Variants in PUS7 observed in about 807,000 individuals in gnomAD.
The protein encoded by PUS7 is pseudouridine synthase 7.
In PUS7, 48 loss-of-function variants were observed where a neutral mutation model predicts 79.8. The ratio of observed to expected loss-of-function variants is 0.60; its 90% confidence interval spans 0.48 to 0.76. The LOEUF (loss-of-function observed/expected upper bound fraction) is 0.76. Among genes scored for constraint, PUS7 ranks in the 30% least tolerant of loss-of-function variants. The pLI, the probability that PUS7 is intolerant of heterozygous loss-of-function variation, is 0.00. For missense variants in PUS7, 729 were observed against 797.6 expected (o/e 0.91, Z 1.04); for synonymous variants, 286 against 272.2 (o/e 1.05, Z -0.50).
Position 105,462,109 on chromosome 7 carries a change from GAAAAGAAGAT to G in PUS7, c.1757+502_1757+511del, listed in dbSNP as rs1470415050. The G allele has an allele frequency of 4.2e-4, 3 of 7,198 alleles. No individual in the cohort carries two copies. In the Admixed American group the frequency reaches 0.011, roughly 27 times the overall value. The allele number at this position is 7,198 out of a possible 1,614,324, so 0.4% of individuals were successfully genotyped here. ...AAGGAAAAGAAAAAGAAAAGGAAAA[GAAAAGAAGAT>G]AAAAGAGAAAAAAGAAAAGAAAAAA... On this transcript the variant is annotated intron_variant, in intron 14 of 15. Transcript: ENST00000469408.
intron 4 of PUS7, 71 bp from the exon 5 acceptor site, chr7:105,502,635 A>G (rs1001235670): frequency 1.7e-5 from 25 of 1,494,056 alleles, no homozygotes; most frequent in Non-Finnish European, 2.1e-5. Context: ...ACAGTGAATT[A>G]GTAAAAACAC....
chr7:105,462,899 G>T, intron 13 of PUS7, 149 bp from the exon 14 acceptor site: 1 of 787,496 alleles, frequency 1.3e-6, no homozygotes, highest in Non-Finnish European at 2.0e-6. Context: ...TCTGTTCCCT[G>T]GAATCAAAAT....
Position 105,465,374 on chromosome 7 carries a change from GTAAT to G in PUS7, c.1562_1565del (p.Asn521ThrfsTer7). ...AGGGCATTACCACATCATGGATAGA[GTAAT>G]TATTAACATCATCTTCCTCAATATA... On this transcript the variant is annotated frameshift_variant, in exon 13 of 16. Coordinates refer to ENST00000469408, the MANE Select transcript of PUS7 (RefSeq NM_019042.5). LOFTEE classifies it high-confidence loss of function. 2 of 1,613,608 alleles carry G rather than the reference GTAAT, an allele frequency of 1.2e-6. No individual in the cohort carries two copies. Among genetic ancestry groups the G allele is most frequent in the East Asian group, 2.2e-5 (1 of 44,852 alleles).
chr7:105,489,181 A>C (rs963120993), intron 7 of PUS7, among the ~76,000 whole-genome samples: 8 of 151,148 alleles, frequency 5.3e-5, no homozygotes, highest in African/African-American at 1.9e-4. Flanking sequence ...AAGAAAGAAA[A>C]GAAAAAGAAA....
chr7:105,513,709 G>A (rs1428624855), intron 1 of PUS7, among the ~76,000 whole-genome samples: 1 of 147,236 alleles, frequency 6.8e-6, no homozygotes, highest in African/African-American at 2.5e-5. Flanking sequence ...GTGGTGGCAG[G>A]TGCCTGTAGT....
In PUS7 at chr7:105,481,064, T is replaced by TCC. The variant is rs774848874; in HGVS notation, c.1162_1163insGG (p.Tyr388TrpfsTer19). On this transcript the variant is annotated frameshift_variant, in exon 9 of 16. Coordinates refer to ENST00000469408, the MANE Select transcript of PUS7 (RefSeq NM_019042.5). LOFTEE classifies it high-confidence loss of function. Reference sequence around the variant, plus strand: ...ATTAAATACCAACCTTCCAACCTGATACGTAGGGACAGCTGTGGTTCCAAA... The same window carrying TCC: ...ATTAAATACCAACCTTCCAACCTGATCCACGTAGGGACAGCTGTGGTTCCAAA... 1.2e-6 allele frequency: 2 copies of TCC among 1,610,306 alleles called. No homozygotes were observed. Among genetic ancestry groups the TCC allele is most frequent in the South Asian group, 2.2e-5 (2 of 90,130 alleles).
rs818471 is a variant in PUS7, at chr7:105,505,912, C to G, written c.585+43G>C. 0.18 allele frequency: 272,078 copies of G among 1,503,352 alleles called. 27,318 individuals are homozygous for G. Among genetic ancestry groups the G allele is most frequent in the African/African-American group, 0.4 (28,545 of 71,740 alleles). The allele number at this position is 1,503,352 out of a possible 1,614,324, so 93.1% of individuals were successfully genotyped here. ...CACTTAACATCCACCCAAAAAGCAA[C>G]TAAAACCCTAAATAATTTTTCATAT... is the stretch of plus-strand genomic sequence containing the variant. On this transcript the variant is annotated intron_variant, in intron 4 of 15. Transcript: ENST00000469408.
At chr7:105,481,392 C>T (rs531919074) in intron 8 of PUS7, among the ~76,000 whole-genome samples, 4 of 152,220 alleles carry the variant, frequency 2.6e-5, no homozygotes, top group African/African-American at 9.6e-5. Flanking sequence ...TGCAATTTGG[C>T]GGTATTAACC....
intron 9 of PUS7, among the ~76,000 whole-genome samples, chr7:105,474,521 CA>C (rs1280797264): frequency 6.6e-6 from 1 of 151,592 alleles, no homozygotes; most frequent in East Asian, 1.9e-4. Context: ...GTAATCTCAG[CA>C]CTTTGGGAGG....
intron 7 of PUS7, 65 bp downstream of exon 7, chr7:105,491,475 G>T: frequency 3.8e-6 from 4 of 1,055,918 alleles, no homozygotes; most frequent in South Asian, 3.4e-5. Context: ...AAGTAAATTT[G>T]AGAATTCTGA....
chr7:105,492,188 C>T (rs1255753770), intron 6 of PUS7, among the ~76,000 whole-genome samples: 6 of 152,082 alleles, frequency 3.9e-5, no homozygotes, highest in East Asian at 1.9e-4. Flanking sequence ...GGACTGTCTG[C>T]GCTCAGGAGT....
At chr7:105,505,184 G>A (rs890452063) in intron 4 of PUS7, among the ~76,000 whole-genome samples, 7 of 151,926 alleles carry the variant, frequency 4.6e-5, no homozygotes, top group African/African-American at 1.7e-4. Flanking sequence ...TGTATTTTTA[G>A]TAGAGACGGG....
chr7:105,506,176 G>C lies in PUS7; in HGVS notation c.483+13C>G. The stretch of plus-strand genomic sequence containing the variant: ...TATACAGAAGGTGACATTTGCTAAA[G>C]AGCTACTTCTACCTCCTCATCCACT... On this transcript the variant is annotated intron_variant, in intron 3 of 15. Coordinates refer to ENST00000469408, the MANE Select transcript of PUS7 (RefSeq NM_019042.5). 3.1e-6 allele frequency: 5 copies of C among 1,601,524 alleles called. No individual in the cohort carries two copies. Among genetic ancestry groups the C allele is most frequent in the Non-Finnish European group, 4.3e-6 (5 of 1,172,082 alleles).
chr7:105,480,281 G>A (rs1824267062), intron 9 of PUS7, among the ~76,000 whole-genome samples: 1 of 151,756 alleles, frequency 6.6e-6, no homozygotes, highest in South Asian at 2.1e-4. Context: ...AGACCAGCCT[G>A]GCCAACATGG....
At chr7:105,501,085 T>C (rs1453713080) in intron 5 of PUS7, among the ~76,000 whole-genome samples, 13 of 152,202 alleles carry the variant, frequency 8.5e-5, no homozygotes, top group Non-Finnish European at 1.6e-4. Context: ...ACTAGATTAT[T>C]TCCTCAGGCA....
chr7:105,477,979 A>C (rs1297797985), intron 9 of PUS7, among the ~76,000 whole-genome samples: 1 of 151,744 alleles, frequency 6.6e-6, no homozygotes, highest in Non-Finnish European at 1.5e-5. Flanking sequence ...ATTTTTTAAA[A>C]ATTTTATTTT....
At position 105,516,842 on chromosome 7, in the gene PUS7, A is replaced by G. The variant is rs1476867778; in HGVS notation, c.-33+5210T>C. Among the ~76,000 whole-genome samples the G allele has an allele frequency of 2.0e-5, 3 of 152,094 alleles. No individual in the cohort carries two copies. In the East Asian group the frequency reaches 5.8e-4, roughly 29 times the overall value. ...AAGAGGCCTGAGAGAATTAAATTGC[A>G]AAGAGAAAACAAGCCTGACTACCCC... On this transcript the variant is annotated intron_variant, in intron 1 of 15. Coordinates refer to ENST00000469408, the MANE Select transcript of PUS7 (RefSeq NM_019042.5).
At chr7:105,467,403 C>T (rs1034973170) in intron 12 of PUS7, among the ~76,000 whole-genome samples, 5 of 151,758 alleles carry the variant, frequency 3.3e-5, no homozygotes, top group African/African-American at 4.8e-5. Flanking sequence ...CATTCTCCTG[C>T]CTCAGCTTCC....
At chr7:105,496,196 C>CACAT (rs1491224026) in intron 5 of PUS7, among the ~76,000 whole-genome samples, 5 of 81,532 alleles carry the variant, frequency 6.1e-5, no homozygotes, top group South Asian at 4.4e-4. Context: ...CACACACACA[C>CACAT]ATATATATAT....
Sources: allele counts gnomAD v4.1 joint callset (sites outside exome capture counted in the v4.1 genomes callset), GRCh38; gene constraint gnomAD v4.1.1; transcripts MANE v1.5; gene names NCBI Gene and HGNC (gene_info 2026-07-23, HGNC 2026-07-21).